The following CLDN14 variants were observed in gnomAD, a reference collection of about 807,000 sequenced individuals.
CLDN14 encodes claudin-14.
A neutral mutation model predicts 2.1 loss-of-function variants in CLDN14; 2 were observed. The observed-to-expected ratio is 0.96, with a 90% CI of 0.39 to 3.01. The LOEUF (loss-of-function observed/expected upper bound fraction) is 3.01, where lower values mean the gene tolerates loss of function less well. Ranked by LOEUF, CLDN14 falls within the 30% of genes most tolerant of loss-of-function variation. The pLI is 0.09. For missense variants in CLDN14, 298 were observed against 328.0 expected (o/e 0.91, Z 0.71); for synonymous variants, 136 against 154.4 (o/e 0.88, Z 0.88).
chr21:36,497,183 AAGGGAGGGAAGGAGGG>A (rs1568859311), intron 2 of CLDN14, among the ~76,000 whole-genome samples: 16 of 972 alleles, frequency 0.016, 5 homozygotes, highest in South Asian at 0.083. Context: ...GGGAGGGAGG[AAGGGAGGGAAGGAGGG>A]AGGGAGGAAG....
rs758426367 is a variant in CLDN14 at position 36,461,721 on chromosome 21, C to G, written c.-26G>C. 6.5e-7 allele frequency: 1 copy of G among 1,545,408 alleles called. No individual in the cohort carries two copies. Among genetic ancestry groups the G allele is most frequent in the East Asian group, 2.4e-5 (1 of 40,896 alleles). On this transcript the variant is annotated 5_prime_UTR_variant, in exon 2 of 2. Coordinates refer to ENST00000399135, the MANE Select transcript of CLDN14 (RefSeq NM_001146079.2). The stretch of plus-strand genomic sequence containing the variant: ...GGTGCGGCTGCCTGCCTAGGCCAGC[C>G]GGGCAGCTCCCTGGGCCCTCGGGGT...
At chr21:36,471,232 AAAC>A (rs1311434345) in intron 1 of CLDN14, among the ~76,000 whole-genome samples, 1 of 152,204 alleles carries the variant, frequency 6.6e-6, no homozygotes, top group Admixed American at 6.5e-5. Flanking sequence ...TAAAAACAAA[AAAC>A]AAAGCCATGG....
At chr21:36,555,862 A>AGG (rs1384741875) in intron 1 of CLDN14, among the ~76,000 whole-genome samples, 2 of 142,814 alleles carry the variant, frequency 1.4e-5, no homozygotes, top group East Asian at 4.0e-4. Context: ...AGAGAGAGAG[A>AGG]GTGTGTGTGT....
chr21:36,537,766 C>G (rs1047640680), intron 1 of CLDN14, among the ~76,000 whole-genome samples: 4 of 152,056 alleles, frequency 2.6e-5, no homozygotes, highest in Non-Finnish European at 5.9e-5. Flanking sequence ...TCCCCTGCCT[C>G]AGCCTCCCAA....
At chr21:36,480,610 G>A (rs2086834483), upstream of CLDN14, 1 of 152,198 alleles carries the variant, frequency 6.6e-6, no homozygotes, top group South Asian at 2.1e-4. Context: ...CACCCTGAGT[G>A]GCTCCAAGGT....
At chr21:36,513,785 C>G (rs2087202848) in intron 1 of CLDN14, among the ~76,000 whole-genome samples, 1 of 152,188 alleles carries the variant, frequency 6.6e-6, no homozygotes, top group African/African-American at 2.4e-5. Context: ...TTAATACAAG[C>G]AGCCCCTCAG....
At chr21:36,534,618 G>A (rs2087409850) in intron 1 of CLDN14, among the ~76,000 whole-genome samples, 1 of 152,176 alleles carries the variant, frequency 6.6e-6, no homozygotes, top group Non-Finnish European at 1.5e-5. Flanking sequence ...CCATCAAGAT[G>A]ACGCACAGAC....
rs187940607 is a variant in CLDN14 at position 36,520,634 on chromosome 21, A to G, written c.-219-10134T>C. 4.6e-4 allele frequency among the ~76,000 whole-genome samples: 70 copies of G among 152,264 alleles called. No homozygotes were observed. The South Asian group carries it at 9.5e-3, about 21-fold the overall frequency. On this transcript the variant is annotated intron_variant, in intron 1 of 2. Coordinates refer to the CLDN14 transcript ENST00000342108. ...CCATTAAACCTCTTTTTCTTTATAA[A>G]TTACCCAGTCTTGGGTATGTGTTTA...
chr21:36,563,101 G>A (rs2087648417), intron 1 of CLDN14, among the ~76,000 whole-genome samples: 1 of 127,992 alleles, frequency 7.8e-6, no homozygotes, highest in Non-Finnish European at 1.8e-5. Context: ...AGTAAAAGAA[G>A]GAAAGGAAAA....
chr21:36,553,870 C>T (rs1247199864), intron 1 of CLDN14, among the ~76,000 whole-genome samples: 2 of 152,144 alleles, frequency 1.3e-5, no homozygotes, highest in African/African-American at 4.8e-5. Flanking sequence ...ATCTTGGATG[C>T]TAATCGCCAT....
At chr21:36,488,669 T>G in intron 2 of CLDN14, among the ~76,000 whole-genome samples, 1 of 151,528 alleles carries the variant, frequency 6.6e-6, no homozygotes, top group Non-Finnish European at 1.5e-5. Context: ...GGTGGGGAGT[T>G]ACAGTTTAAT....
intron 1 of CLDN14, among the ~76,000 whole-genome samples, chr21:36,555,617 CATT>C (rs1230154958): frequency 3.3e-5 from 5 of 152,136 alleles, no homozygotes; most frequent in African/African-American, 1.2e-4. Context: ...AAAGCCAGCT[CATT>C]ATGACCCCAT....
At position 36,486,520 on chromosome 21, in the gene CLDN14, A is replaced by T. The variant is rs781369059; in HGVS notation, c.-82+23843T>A. 17 of 1,565,174 alleles carry T rather than the reference A, an allele frequency of 1.1e-5. 1 individual carries two copies. In the South Asian group the frequency reaches 1.9e-4, roughly 17 times the overall value. ...CACTGGCACCGAGACCCAGCATGGC[A>T]CCCCCTTCCCCAGCCAAAATCGGAG... On this transcript the variant is annotated intron_variant, in intron 2 of 2. Transcript: ENST00000342108.
intron 2 of CLDN14, among the ~76,000 whole-genome samples, chr21:36,505,812 C>T (rs2087127266): frequency 6.6e-6 from 1 of 152,188 alleles, no homozygotes; most frequent in African/African-American, 2.4e-5. Flanking sequence ...CTGGTTTGAT[C>T]CACCCAAAGC....
chr21:36,462,940 AAC>A (rs199565725), intron 1 of CLDN14, among the ~76,000 whole-genome samples: 9,048 of 141,998 alleles, frequency 0.064, 503 homozygotes, highest in African/African-American at 0.15. Flanking sequence ...CAAGCAAACA[AAC>A]AAAAAAAAAC....
At chr21:36,490,168 A>T (rs1378238175) in intron 2 of CLDN14, among the ~76,000 whole-genome samples, 2 of 152,158 alleles carry the variant, frequency 1.3e-5, no homozygotes, top group Non-Finnish European at 2.9e-5. Flanking sequence ...TCCCAAAGGG[A>T]GAAGAATGCT....
At chr21:36,479,403 C>T (rs2086817685) in intron 1 of CLDN14, 92 bp downstream of exon 1, 1 of 152,314 alleles carries the variant, frequency 6.6e-6, no homozygotes, top group African/African-American at 2.4e-5. Context: ...GCTGCATGCA[C>T]ATCTAACCGG....
chr21:36,550,310 T>C (rs534120112), intron 1 of CLDN14, among the ~76,000 whole-genome samples: 2 of 152,152 alleles, frequency 1.3e-5, no homozygotes, highest in African/African-American at 2.4e-5. Context: ...ATGCAGCGGG[T>C]CTTGGGAGGC....
intron 2 of CLDN14, among the ~76,000 whole-genome samples, chr21:36,500,401 C>G (rs1280244690): frequency 6.6e-6 from 1 of 152,196 alleles, no homozygotes; most frequent in African/African-American, 2.4e-5. Flanking sequence ...GATAATTTCC[C>G]AGGAAAGAGA....
Sources: gnomAD v4.1 joint callset for allele counts (sites outside exome capture counted in the v4.1 genomes callset) on GRCh38, gnomAD v4.1.1 for gene constraint, MANE v1.5 for transcripts, NCBI Gene and HGNC (gene_info 2026-07-23, HGNC 2026-07-21) for gene names.